TEPSIN: variants seen among roughly 807,000 people sequenced by gnomAD.
TEPSIN encodes the protein TEPSIN adaptor related protein complex 4 accessory protein.
TEPSIN carries 50 observed loss-of-function variants against 48.5 expected under a neutral mutation model. The observed-to-expected ratio is 1.03, with a 90% CI of 0.82 to 1.31. The LOEUF is 1.31. Ranked by LOEUF, TEPSIN falls within the 50% of genes most tolerant of loss-of-function variation. TEPSIN has a pLI of 0.00. For missense variants in TEPSIN, 838 were observed against 815.9 expected (o/e 1.03, Z -0.33); for synonymous variants, 392 against 358.8 (o/e 1.09, Z -1.05).
intron 4 of TEPSIN, among the ~76,000 whole-genome samples, chr17:81,235,380 C>A (rs1339514438): frequency 6.6e-6 from 1 of 152,192 alleles, no homozygotes; most frequent in African/African-American, 2.4e-5. Flanking sequence ...CCGTCTCTCA[C>A]GTGTGGCATC....
At position 81,230,195 on chromosome 17, in the gene TEPSIN, T is replaced by G; in HGVS notation, c.1233+349A>C. On this transcript the variant is annotated intron_variant, in intron 12 of 12. Coordinates refer to ENST00000637944, the MANE Select transcript of TEPSIN (RefSeq NM_001363764.2). This position sits in a 1 kb window ranked among gnomAD's most constrained non-coding sequence, Gnocchi z 4.2. ...TGGGAGTTGAGCATGAGCTGTGTCA[T>G]GGGTGGCAAACTGCATGTGCAGTCA... 3.4e-6 allele frequency: 1 copy of G among 290,550 alleles called. No individual in the cohort carries two copies. The highest frequency in any genetic ancestry group is 6.5e-6 in the Non-Finnish European group (1 of 152,906). The allele number at this position is 290,550 out of a possible 1,614,324, so 18.0% of individuals were successfully genotyped here.
chr17:81,230,630 G>A lies in TEPSIN; in HGVS notation c.1147C>T (p.Gln383Ter). Residue 383 changes from glutamine to a stop codon, truncating the protein, a stop_gained, in exon 12 of 13, where the codon CAG (glutamine) becomes TAG (stop). Transcript: ENST00000637944. LOFTEE classifies it high-confidence loss of function. This position sits in a 1 kb window ranked among gnomAD's most constrained non-coding sequence, Gnocchi z 4.2. ...ASLGSSDLLP[Q>*]EHILLRTRPW... ...CGGGTGCGGAGGAGGATGTGCTCCT[G>A]GGGGAGGAGGTCGCTGCTCCCCAGG... 6.3e-7 allele frequency: 1 copy of A among 1,597,712 alleles called. No individual in the cohort carries two copies. The highest frequency in any genetic ancestry group is 1.1e-5 in the South Asian group (1 of 89,282).
At chr17:81,232,596 A>G (rs2062639775) in intron 7 of TEPSIN, 78 bp from the exon 8 acceptor site, 9 of 1,323,404 alleles carry the variant, frequency 6.8e-6, no homozygotes, top group Non-Finnish European at 8.2e-6. Flanking sequence ...GGGTGCCCGC[A>G]TCGGCTCCCT....
At chr17:81,237,593 G>A (rs1194725802) in intron 1 of TEPSIN, 134 bp from the exon 2 acceptor site, 17 of 936,416 alleles carry the variant, frequency 1.8e-5, no homozygotes, top group African/African-American at 6.7e-5. Context: ...GGGAAGGGAT[G>A]AGAACTGTGC....
intron 11 of TEPSIN, chr17:81,231,007 C>T (rs543599248): frequency 1.2e-5 from 6 of 499,224 alleles, no homozygotes; most frequent in Admixed American, 3.9e-5. Flanking sequence ...CCTGCTGCCC[C>T]GATTGCCTTA....
Position 81,228,804 on chromosome 17 carries a change from C to G in TEPSIN, c.*124G>C. On this transcript the variant is annotated 3_prime_UTR_variant, in exon 13 of 13. Coordinates refer to ENST00000637944, the MANE Select transcript of TEPSIN (RefSeq NM_001363764.2). ...GGAGATGGGGGAAACTGAGGTAGCCCTAGGGTCGTCCTCTCAAGTCAAGCT... is the reference window on the plus strand; with the variant it reads ...GGAGATGGGGGAAACTGAGGTAGCCGTAGGGTCGTCCTCTCAAGTCAAGCT... The G allele has an allele frequency of 8.3e-7, 1 of 1,206,370 alleles. No homozygotes were observed. The highest frequency in any genetic ancestry group is 1.2e-6 in the Non-Finnish European group (1 of 854,830). 74.7% of individuals were successfully genotyped at this position (1,206,370 alleles called of 1,614,324 possible).
rs2062683039 is a variant in TEPSIN, at chr17:81,234,313, GCC to G, written c.308-267_308-266del. On this transcript the variant is annotated intron_variant, in intron 4 of 12. Transcript: ENST00000637944. This position sits in a 1 kb window ranked among gnomAD's most constrained non-coding sequence, Gnocchi z 5.4. Reference sequence around the variant, plus strand: ...TCCCCCAGGGTCGGCAACCCCTGGTGCCTGAGCGGGTGTGGCCTCCCCGAAGC... The same window carrying G: ...TCCCCCAGGGTCGGCAACCCCTGGTGTGAGCGGGTGTGGCCTCCCCGAAGC... The G allele has an allele frequency of 2.8e-6, 1 of 362,644 alleles. No individual in the cohort carries two copies. The highest frequency in any genetic ancestry group is 4.9e-6 in the Non-Finnish European group (1 of 202,248). 22.5% of individuals were successfully genotyped at this position (362,644 alleles called of 1,614,324 possible). A position where few individuals can be genotyped will look rare whatever the true frequency, so the allele number is the denominator to read the frequency against.
Position 81,233,234 on chromosome 17 carries a change from GC to G in TEPSIN, c.526+197del. ...GTTTCTCTCATCTGTCCATAAAGCA[GC>G]CCTGGCCACACCTGCCCCACCCCCA... On this transcript the variant is annotated intron_variant, in intron 7 of 12. Transcript: ENST00000637944. This position sits in a 1 kb window ranked among gnomAD's most constrained non-coding sequence, Gnocchi z 5.8. The G allele has an allele frequency of 1.5e-6, 1 of 651,232 alleles. No homozygotes were observed. 40.3% of individuals were successfully genotyped at this position (651,232 alleles called of 1,614,324 possible).
At chr17:81,236,958 C>G (rs1425606848) in intron 3 of TEPSIN, 22 bp downstream of exon 3, 8 of 1,557,870 alleles carry the variant, frequency 5.1e-6, no homozygotes, top group Non-Finnish European at 7.0e-6. Context: ...CAGGCCTGAC[C>G]CTTGACCACC....
At position 81,230,574 on chromosome 17, in the gene TEPSIN, G is replaced by A; in HGVS notation, c.1203C>T (p.Ser401=). 6.2e-7 allele frequency: 1 copy of A among 1,611,740 alleles called. No homozygotes were observed. Among genetic ancestry groups the A allele is most frequent in the Non-Finnish European group, 8.5e-7 (1 of 1,179,202 alleles). Residue 401 remains serine (S), a synonymous_variant, in exon 12 of 13, where the codon AGC becomes AGT. Transcript: ENST00000637944. The surrounding 1 kb of genome is among the most constrained non-coding windows in gnomAD (Gnocchi z 4.2). ...RPWLQELSMG[S]PGPVTNKATK... is the part of the protein sequence containing the mutation. ...TGGCCTTGTTGGTCACAGGTCCCGG[G>A]CTGCCCATGCTGAGCTCCTGCAGCC...
intron 11 of TEPSIN, 188 bp downstream of exon 11, chr17:81,231,210 C>G (rs1291192834): frequency 1.6e-6 from 1 of 624,742 alleles, no homozygotes; most frequent in African/African-American, 1.8e-5. Context: ...TGTACACACA[C>G]AGGCATACAT....
Position 81,234,532 on chromosome 17 carries a change from G to C in TEPSIN, c.308-484C>G, listed in dbSNP as rs1168275424. On this transcript the variant is annotated intron_variant, in intron 4 of 12. Transcript: ENST00000637944. The surrounding 1 kb of genome is among the most constrained non-coding windows in gnomAD (Gnocchi z 5.4). ...TGGGGCTTCTTTCCTTAAATCTTCC[G>C]GCCCCAGGGCCCCCCAAGCCTACAC... Among the ~76,000 whole-genome samples the C allele has an allele frequency of 6.6e-6, 1 of 151,908 alleles. No homozygotes were observed. Among genetic ancestry groups the C allele is most frequent in the Admixed American group, 6.5e-5 (1 of 15,276 alleles).
Position 81,230,759 on chromosome 17 carries a change from C to T in TEPSIN, c.1099-81G>A. 1.4e-6 allele frequency: 2 copies of T among 1,433,854 alleles called. No individual in the cohort carries two copies. The highest frequency in any genetic ancestry group is 1.4e-5 in the African/African-American group (1 of 69,258). The allele number at this position is 1,433,854 out of a possible 1,614,324, so 88.8% of individuals were successfully genotyped here. A position where few individuals can be genotyped will look rare whatever the true frequency, so the allele number is the denominator to read the frequency against. ...GAGGCCTATTTGGCCATCTCTCTCC[C>T]TCTTCTTCCTCCTCATCAATGACTG... is the stretch of plus-strand genomic sequence containing the variant. On this transcript the variant is annotated intron_variant, in intron 11 of 12. Coordinates refer to ENST00000637944, the MANE Select transcript of TEPSIN (RefSeq NM_001363764.2). The surrounding 1 kb of genome is among the most constrained non-coding windows in gnomAD (Gnocchi z 4.2).
chr17:81,230,390 C>T lies in TEPSIN; in HGVS notation c.1233+154G>A. 9.3e-7 allele frequency: 1 copy of T among 1,080,954 alleles called. No homozygotes were observed. Among genetic ancestry groups the T allele is most frequent in the Non-Finnish European group, 1.3e-6 (1 of 768,788 alleles). 67.0% of individuals were successfully genotyped at this position (1,080,954 alleles called of 1,614,324 possible). A position where few individuals can be genotyped will look rare whatever the true frequency, so the allele number is the denominator to read the frequency against. The stretch of plus-strand genomic sequence containing the variant: ...ATGGGGAGGTGAGGACCCTGACTTG[C>T]TGCTGCTCCCTCTGCCAGCGGGACA... On this transcript the variant is annotated intron_variant, in intron 12 of 12. Transcript: ENST00000637944. This position sits in a 1 kb window ranked among gnomAD's most constrained non-coding sequence, Gnocchi z 4.2.
Position 81,229,251 on chromosome 17 carries a change from GTGGGGT to G in TEPSIN, c.1453_1458del (p.Thr485_Pro486del). ...GCTGGAATGGGGGAGGCATCTGGGG[GTGGGGT>G]GGGCACAGGGCTGGACGGCATCCCA... is the stretch of plus-strand genomic sequence containing the variant. On this transcript the variant is annotated inframe_deletion, in exon 13 of 13. Transcript: ENST00000637944. 1 of 1,576,006 alleles carries G rather than the reference GTGGGGT, an allele frequency of 6.3e-7. No individual in the cohort carries two copies. Among genetic ancestry groups the G allele is most frequent in the Non-Finnish European group, 8.6e-7 (1 of 1,162,224 alleles).
At chr17:81,232,989 G>T in intron 7 of TEPSIN, 1 of 236,866 alleles carries the variant, frequency 4.2e-6, no homozygotes, top group Non-Finnish European at 8.3e-6. Flanking sequence ...GCAGGGCACA[G>T]CTGGGCTGGG....
intron 7 of TEPSIN, chr17:81,232,839 G>C (rs2062645524): frequency 3.0e-6 from 1 of 329,932 alleles, no homozygotes; most frequent in African/African-American, 2.1e-5. Context: ...CCAGGGCTCG[G>C]GGAGGGGCCG....
At position 81,230,330 on chromosome 17, in the gene TEPSIN, AGTGCTG is replaced by A; in HGVS notation, c.1233+208_1233+213del. The A allele has an allele frequency of 9.8e-6, 2 of 204,354 alleles. No homozygotes were observed. The highest frequency in any genetic ancestry group is 2.1e-5 in the Non-Finnish European group (2 of 95,680). The allele number at this position is 204,354 out of a possible 1,614,324, so 12.7% of individuals were successfully genotyped here. A position where few individuals can be genotyped will look rare whatever the true frequency, so the allele number is the denominator to read the frequency against. The stretch of plus-strand genomic sequence containing the variant: ...AATAGGTAGAGGCCAGTGTACTGTG[AGTGCTG>A]CAGAGTTTGGGTGGAAGGCGGGAAG... On this transcript the variant is annotated intron_variant, in intron 12 of 12. Transcript: ENST00000637944. This position sits in a 1 kb window ranked among gnomAD's most constrained non-coding sequence, Gnocchi z 4.2.
rs1399551725 is a variant in TEPSIN at position 81,231,493 on chromosome 17, C to G, written c.1020-17G>C. 6.4e-7 allele frequency: 1 copy of G among 1,568,346 alleles called. No individual in the cohort carries two copies. The highest frequency in any genetic ancestry group is 8.6e-7 in the Non-Finnish European group (1 of 1,156,574). On this transcript the variant is annotated splice_polypyrimidine_tract_variant and intron_variant, in intron 10 of 12. Coordinates refer to ENST00000637944, the MANE Select transcript of TEPSIN (RefSeq NM_001363764.2). ...AGTCCACACCTGCACAGAGGGGACA[C>G]CTGGGTGGCGGGTGCGGCCCGTTCC...
Sources: gnomAD v4.1 joint callset for allele counts (sites outside exome capture counted in the v4.1 genomes callset) on GRCh38, gnomAD v4.1.1 for gene constraint, Gnocchi (gnomAD v3.1) non-coding constraint, MANE v1.5 for transcripts, NCBI Gene and HGNC (gene_info 2026-07-23, HGNC 2026-07-21) for gene names.